Variants in ENOX1 observed in about 807,000 individuals in gnomAD.
ENOX1 encodes ecto-NOX disulfide-thiol exchanger 1.
ENOX1 carries 42 observed loss-of-function variants against 82.5 expected under a neutral mutation model. The ratio of observed to expected loss-of-function variants is 0.51; its 90% CI spans 0.40 to 0.66. The LOEUF (loss-of-function observed/expected upper bound fraction) is 0.66, where lower values mean the gene tolerates loss of function less well. Ranked by LOEUF, ENOX1 falls within the 30% of genes least tolerant of loss-of-function variation. The probability of loss-of-function intolerance (pLI) is 0.00; values close to 1 mark genes in which losing one functional copy is unlikely to be tolerated. For missense variants in ENOX1, 608 were observed against 811.6 expected, an observed-to-expected ratio of 0.75 and a Z score of 3.05; for synonymous variants, 271 against 282.2, an observed-to-expected ratio of 0.96 and a Z score of 0.40.
chr13:43,781,405 T>A (rs1261729837), intron 1 of ENOX1, among the ~76,000 whole-genome samples: 1 of 152,098 alleles, frequency 6.6e-6, no homozygotes, highest in Non-Finnish European at 1.5e-5. Flanking sequence ...CCAGAGGGAG[T>A]AATTCAAATG....
At chr13:43,653,092 C>T (rs548969466) in intron 2 of ENOX1, among the ~76,000 whole-genome samples, 4 of 152,190 alleles carry the variant, frequency 2.6e-5, no homozygotes, top group Admixed American at 6.5e-5. Flanking sequence ...CCCTCAGTTG[C>T]GCAGCACAGG....
At chr13:43,686,044 A>G (rs1157395222) in intron 1 of ENOX1, among the ~76,000 whole-genome samples, 1 of 152,190 alleles carries the variant, frequency 6.6e-6, no homozygotes, top group Non-Finnish European at 1.5e-5. Context: ...CACTGTCATG[A>G]TTGGAATAGC....
intron 1 of ENOX1, among the ~76,000 whole-genome samples, chr13:43,686,383 C>T (rs993665620): frequency 4.6e-5 from 7 of 152,044 alleles, no homozygotes; most frequent in Admixed American, 2.0e-4. Flanking sequence ...GATTAGCCTA[C>T]ATCCAATAAA....
At chr13:43,667,445 C>T in intron 2 of ENOX1, 34 bp downstream of exon 2, 1 of 985,024 alleles carries the variant, frequency 1.0e-6, no homozygotes, top group Non-Finnish European at 1.2e-6. Flanking sequence ...AACCAACCTG[C>T]TTGTTATTTG....
intron 10 of ENOX1, among the ~76,000 whole-genome samples, chr13:43,325,920 C>T (rs1352477086): frequency 6.6e-6 from 1 of 152,164 alleles, no homozygotes; most frequent in Non-Finnish European, 1.5e-5. Flanking sequence ...CCTAGATATT[C>T]ACTCCCCTTA....
chr13:43,460,807 AAAAAAAAAAAAAAAAAAAAAAAAT>A lies in ENOX1; in HGVS notation c.-75+23178_-75+23201del, dbSNP rs1224958842. Among the ~76,000 whole-genome samples the A allele has an allele frequency of 4.8e-4, 22 of 46,152 alleles. 2 individuals carry two copies. In the East Asian group the frequency reaches 6.8e-3, roughly 14 times the overall value. 30.3% of individuals were successfully genotyped at this position (46,152 alleles called of 152,430 possible). On this transcript the variant is annotated intron_variant, in intron 3 of 16. Coordinates refer to ENST00000690772, the MANE Select transcript of ENOX1 (RefSeq NM_001347969.2). ...AGACTCCATCTCAAAAAAAAAAAAA[AAAAAAAAAAAAAAAAAAAAAAAAT>A]AGGGATAGCTCTCTACAAACCAAGG...
intron 8 of ENOX1, among the ~76,000 whole-genome samples, chr13:43,352,677 A>T (rs1481219634): frequency 6.6e-6 from 1 of 152,086 alleles, no homozygotes; most frequent in East Asian, 1.9e-4. Context: ...ATGCTTACTA[A>T]TTTTCTTTTT....
At chr13:43,727,390 G>T (rs1299652532) in intron 1 of ENOX1, among the ~76,000 whole-genome samples, 1 of 152,172 alleles carries the variant, frequency 6.6e-6, no homozygotes, top group Non-Finnish European at 1.5e-5. Context: ...AGACAACTTA[G>T]ACATAGATAA....
intron 1 of ENOX1, among the ~76,000 whole-genome samples, chr13:43,756,934 A>G (rs1950674690): frequency 6.8e-6 from 1 of 146,382 alleles, no homozygotes. Flanking sequence ...CCTGGACAAC[A>G]TAGTGAGACT....
chr13:43,445,598 A>G (rs1289519057), intron 3 of ENOX1, among the ~76,000 whole-genome samples: 1 of 152,122 alleles, frequency 6.6e-6, no homozygotes, highest in African/African-American at 2.4e-5. Context: ...GATCCTGCTC[A>G]GGTGGTTTTT....
chr13:43,288,107 A>G (rs1006485727), intron 12 of ENOX1, among the ~76,000 whole-genome samples: 2 of 152,190 alleles, frequency 1.3e-5, no homozygotes, highest in African/African-American at 4.8e-5. Context: ...CACCATCCCA[A>G]TATTCTTGGC....
intron 1 of ENOX1, among the ~76,000 whole-genome samples, chr13:43,672,513 T>C (rs2085316568): frequency 1.3e-5 from 2 of 152,172 alleles, no homozygotes; most frequent in East Asian, 1.9e-4. Context: ...TGAAATAAAT[T>C]TGTATGCTTT....
rs112247867 is a variant in ENOX1 at position 43,214,967 on chromosome 13, A to G, written c.1801-846T>C. ...TATCTTCATTCTCACAAGTTAAATG[A>G]CCCTTACAGAGATAATTAGTCTCTT... On this transcript the variant is annotated intron_variant, in intron 16 of 16. Transcript: ENST00000690772. 9.5e-3 allele frequency among the ~76,000 whole-genome samples: 1,442 copies of G among 152,250 alleles called. 22 individuals are homozygous for G. The highest frequency in any genetic ancestry group is 0.029 in the African/African-American group (1,217 of 41,536).
chr13:43,464,457 G>A (rs1593329863), intron 3 of ENOX1, among the ~76,000 whole-genome samples: 1 of 152,036 alleles, frequency 6.6e-6, no homozygotes, highest in African/African-American at 2.4e-5. Context: ...AGCCTGGAAG[G>A]GAGTGAGGAG....
rs900678125 is a variant in ENOX1, at chr13:43,717,792, C to G, written c.-284-50248G>C. Among the ~76,000 whole-genome samples the G allele has an allele frequency of 3.9e-5, 6 of 152,232 alleles. No individual in the cohort carries two copies. In the East Asian group the frequency reaches 1.2e-3, roughly 29 times the overall value. On this transcript the variant is annotated intron_variant, in intron 1 of 16. Transcript: ENST00000690772. ...TGGCCAACAAACATGAAAAAAAGCT[C>G]ATCACTAATCATCAGAGAAATGCAA...
intron 11 of ENOX1, chr13:43,320,958 G>C: frequency 2.5e-6 from 1 of 403,200 alleles, no homozygotes; most frequent in Admixed American, 2.7e-5. Flanking sequence ...ACAAACCCAA[G>C]AGTAAAGCAG....
intron 1 of ENOX1, among the ~76,000 whole-genome samples, chr13:43,700,068 G>A (rs1230111732): frequency 1.3e-5 from 2 of 152,022 alleles, no homozygotes; most frequent in Admixed American, 1.3e-4. Context: ...TTTTGTACCT[G>A]TTAACAATTG....
intron 2 of ENOX1, among the ~76,000 whole-genome samples, chr13:43,640,901 C>A (rs982502326): frequency 5.1e-5 from 3 of 59,294 alleles, no homozygotes; most frequent in South Asian, 8.4e-4. Context: ...CACACGTACA[C>A]ACACACGCAC....
At position 43,214,076 on chromosome 13, in the gene ENOX1, T is replaced by C; in HGVS notation, c.1846A>G (p.Met616Val). Reference protein sequence around the residue: ...IEMLLMRLPRMFKQEFTGVGA... With the variant: ...IEMLLMRLPRVFKQEFTGVGA... ...ACACCCGTGAATTCCTGTTTGAACA[T>C]GCGTGGCAGCCTCATCAAAAGCATT... Residue 616 changes from methionine to valine, a missense_variant, in exon 17 of 17, where the codon ATG (methionine) becomes GTG (valine). By Grantham distance (21) the Met-to-Val change is conservative (BLOSUM62 1). Transcript: ENST00000690772. 2 of 1,613,944 alleles carry C rather than the reference T, an allele frequency of 1.2e-6. No individual in the cohort carries two copies. Among genetic ancestry groups the C allele is most frequent in the East Asian group, 2.2e-5 (1 of 44,870 alleles).
Sources: gnomAD v4.1 joint callset for allele counts (sites outside exome capture counted in the v4.1 genomes callset) on GRCh38, gnomAD v4.1.1 for gene constraint, MANE v1.5 for transcripts, NCBI Gene and HGNC (gene_info 2026-07-23, HGNC 2026-07-21) for gene names.